EPHA6: variants seen among roughly 807,000 people sequenced by gnomAD.
EPHA6 encodes the protein ephrin type-A receptor 6.
A neutral mutation model predicts 112.0 loss-of-function variants in EPHA6; 50 were observed. That is an observed-to-expected ratio of 0.45 (90% CI 0.36 to 0.56). The LOEUF (loss-of-function observed/expected upper bound fraction) is 0.56, where lower values mean the gene tolerates loss of function less well. EPHA6 is among the 20% of genes least tolerant of loss of function. The pLI is 0.00. For missense variants in EPHA6, 1,280 were observed against 1,417.4 expected (o/e 0.90, Z 1.56); for synonymous variants, 529 against 490.7 (o/e 1.08, Z -1.03).
At chr3:97,522,244 G>A (rs2092555136) in intron 10 of EPHA6, among the ~76,000 whole-genome samples, 1 of 152,142 alleles carries the variant, frequency 6.6e-6, no homozygotes, top group Non-Finnish European at 1.5e-5. Context: ...AAGATCAAAA[G>A]TTTCTGTAGT....
At chr3:97,100,859 A>C (rs1232106850) in intron 3 of EPHA6, among the ~76,000 whole-genome samples, 1 of 151,826 alleles carries the variant, frequency 6.6e-6, no homozygotes, top group Non-Finnish European at 1.5e-5. Context: ...AATATTAACC[A>C]CTCCCTGAAT....
At chr3:97,672,175 C>G (rs1456779184) in intron 14 of EPHA6, among the ~76,000 whole-genome samples, 1 of 152,104 alleles carries the variant, frequency 6.6e-6, no homozygotes, top group Non-Finnish European at 1.5e-5. Flanking sequence ...AAGTCTTTTT[C>G]AATTCCAATT....
chr3:97,168,738 T>C (rs532581384), intron 3 of EPHA6, among the ~76,000 whole-genome samples: 7 of 152,196 alleles, frequency 4.6e-5, no homozygotes, highest in African/African-American at 1.7e-4. Context: ...CCCCAAAGAA[T>C]GGTCAGCTCA....
chr3:97,604,164 G>A (rs1272266141), intron 12 of EPHA6, among the ~76,000 whole-genome samples: 1 of 151,756 alleles, frequency 6.6e-6, no homozygotes, highest in Non-Finnish European at 1.5e-5. Flanking sequence ...AATTAAATAT[G>A]CCAATGAGAA....
At chr3:97,556,222 T>A (rs757090044) in intron 11 of EPHA6, among the ~76,000 whole-genome samples, 25 of 152,206 alleles carry the variant, frequency 1.6e-4, no homozygotes, top group Non-Finnish European at 3.2e-4. Context: ...TGCCTTCTGA[T>A]CAATCCTGGT....
At position 97,489,280 on chromosome 3, in the gene EPHA6, A is replaced by G. The variant is rs112402869; in HGVS notation, c.2200+5221A>G. Among the ~76,000 whole-genome samples, 842 of 152,370 alleles carry G rather than the reference A, an allele frequency of 5.5e-3. 11 individuals carry two copies. Among genetic ancestry groups the G allele is most frequent in the African/African-American group, 0.019 (810 of 41,592 alleles). ...ACAGTCAATGCCTTAGGTAACTGGAATAATATTTATGATTTTCAGAGTTAG... is the reference window on the plus strand; with the variant it reads ...ACAGTCAATGCCTTAGGTAACTGGAGTAATATTTATGATTTTCAGAGTTAG... On this transcript the variant is annotated intron_variant, in intron 10 of 17. Coordinates refer to ENST00000389672, the MANE Select transcript of EPHA6 (RefSeq NM_001080448.3).
chr3:97,667,096 G>A (rs2030210338), intron 14 of EPHA6, among the ~76,000 whole-genome samples: 1 of 152,082 alleles, frequency 6.6e-6, no homozygotes, highest in Non-Finnish European at 1.5e-5. Flanking sequence ...GGGTTCTTTT[G>A]ACTTACAAAT....
chr3:97,391,995 T>A (rs2086426180), intron 5 of EPHA6, among the ~76,000 whole-genome samples: 1 of 151,818 alleles, frequency 6.6e-6, no homozygotes, highest in African/African-American at 2.4e-5. Flanking sequence ...AAGTCTAATT[T>A]TCATAAAGCT....
At chr3:97,632,323 A>ACCC (rs1281337228) in intron 13 of EPHA6, among the ~76,000 whole-genome samples, 2 of 152,014 alleles carry the variant, frequency 1.3e-5, no homozygotes, top group Admixed American at 1.3e-4. Flanking sequence ...AGACCCTGGG[A>ACCC]TTACAAGGGT....
chr3:97,241,791 C>T (rs1459704293), intron 4 of EPHA6, among the ~76,000 whole-genome samples: 1 of 139,712 alleles, frequency 7.2e-6, no homozygotes, highest in Non-Finnish European at 1.5e-5. Context: ...TTAGTATCTG[C>T]AGGCGGACAG....
chr3:97,265,458 C>T (rs1478516401), intron 5 of EPHA6, among the ~76,000 whole-genome samples: 6 of 152,182 alleles, frequency 3.9e-5, no homozygotes, highest in East Asian at 1.9e-4. Context: ...TCAGCACTGC[C>T]CCAAGCAGGC....
chr3:97,648,090 T>A (rs1349554743), intron 14 of EPHA6, among the ~76,000 whole-genome samples: 3 of 152,172 alleles, frequency 2.0e-5, no homozygotes, highest in Admixed American at 6.5e-5. Flanking sequence ...TCGTTAAAAA[T>A]TTTATGAGTC....
chr3:96,879,050 G>T (rs1406634391), intron 2 of EPHA6, among the ~76,000 whole-genome samples: 1 of 151,922 alleles, frequency 6.6e-6, no homozygotes, highest in Admixed American at 6.6e-5. Context: ...TCCACATTCT[G>T]CCTAATTTAA....
At chr3:97,570,722 CTG>C (rs1309244423) in intron 11 of EPHA6, among the ~76,000 whole-genome samples, 4 of 149,516 alleles carry the variant, frequency 2.7e-5, no homozygotes, top group Non-Finnish European at 3.0e-5. Flanking sequence ...GAGTGAGACT[CTG>C]TTTCAAAAAA....
chr3:97,220,060 T>C (rs1410590236), intron 3 of EPHA6, among the ~76,000 whole-genome samples: 1 of 152,232 alleles, frequency 6.6e-6, no homozygotes, highest in East Asian at 1.9e-4. Flanking sequence ...CCAGTCTCTT[T>C]GCTAAAGCAT....
chr3:97,699,955 C>T (rs1472157562), intron 14 of EPHA6, among the ~76,000 whole-genome samples: 1 of 152,148 alleles, frequency 6.6e-6, no homozygotes, highest in African/African-American at 2.4e-5. Flanking sequence ...GAAAACAGAA[C>T]TTCAGAATTT....
At chr3:97,241,582 C>G (rs930006014) in intron 4 of EPHA6, among the ~76,000 whole-genome samples, 1 of 151,712 alleles carries the variant, frequency 6.6e-6, no homozygotes, top group Non-Finnish European at 1.5e-5. Flanking sequence ...TTAATTGTCT[C>G]TCTTTGTTCC....
At chr3:97,670,754 A>T (rs1302516287) in intron 14 of EPHA6, among the ~76,000 whole-genome samples, 3 of 152,222 alleles carry the variant, frequency 2.0e-5, no homozygotes, top group Non-Finnish European at 1.5e-5. Flanking sequence ...ACTCCACTCT[A>T]GTTTGTTCAC....
chr3:97,580,285 C>T (rs1033378231), intron 11 of EPHA6, among the ~76,000 whole-genome samples: 2 of 152,180 alleles, frequency 1.3e-5, no homozygotes, highest in South Asian at 2.1e-4. Flanking sequence ...TCATTCACCA[C>T]CCCTAGTGGA....
Sources: gnomAD v4.1 joint callset for allele counts (sites outside exome capture counted in the v4.1 genomes callset) on GRCh38, gnomAD v4.1.1 for gene constraint, MANE v1.5 for transcripts, NCBI Gene and HGNC (gene_info 2026-07-23, HGNC 2026-07-21) for gene names.